Variants in ADAP2 observed in about 807,000 individuals in gnomAD.
ADAP2 encodes the protein arf-GAP with dual PH domain-containing protein 2.
ADAP2 carries 42 observed loss-of-function variants against 54.9 expected under a neutral mutation model. The observed-to-expected ratio is 0.77, with a 90% CI of 0.60 to 0.99. ADAP2 has a LOEUF of 0.99. Among genes scored for constraint, ADAP2 ranks in the 50% least tolerant of loss-of-function variants. The pLI, the probability that ADAP2 is intolerant of heterozygous loss-of-function variation, is 0.00. For synonymous variants in ADAP2, 177 were observed against 180.1 expected (o/e 0.98, Z 0.14); for missense variants, 429 against 480.4 (o/e 0.89, Z 1.00).
intron 7 of ADAP2, among the ~76,000 whole-genome samples, chr17:30,951,661 T>C (rs1904649010): frequency 6.9e-6 from 1 of 144,608 alleles, no homozygotes; most frequent in Admixed American, 6.9e-5. Flanking sequence ...TTTCTTTTTT[T>C]TTTTTTTTTT....
chr17:30,923,598 G>T (rs895002126), intron 2 of ADAP2, among the ~76,000 whole-genome samples: 10 of 151,076 alleles, frequency 6.6e-5, no homozygotes, highest in Admixed American at 6.6e-4. Flanking sequence ...AAGCTGGGAG[G>T]CCCTGAGCTA....
intron 5 of ADAP2, 41 bp downstream of exon 5, chr17:30,934,338 A>G: frequency 7.3e-7 from 1 of 1,367,842 alleles, no homozygotes. Flanking sequence ...CTTCCTGAGC[A>G]CTCTCACCCG....
rs1244670245 is a variant in ADAP2, at chr17:30,926,832, G to A, written c.231G>A (p.Met77Ile). 3 of 1,614,062 alleles carry A rather than the reference G, an allele frequency of 1.9e-6. No homozygotes were observed. The highest frequency in any genetic ancestry group is 2.2e-5 in the South Asian group (2 of 91,078). The change falls in exon 3 of 11, where the codon ATG becomes ATA. Residue 77 changes from methionine (M) to isoleucine (I), a missense_variant. Transcript: ENST00000330889. ...AGGTTGCTGTTGTCTTGCAGTTTATGATCCACAATGGAAACCTCCGTGTGA... is the reference window on the plus strand; with the variant it reads ...AGGTTGCTGTTGTCTTGCAGTTTATAATCCACAATGGAAACCTCCGTGTGA... ...DFWDDSIVEF[M>I]IHNGNLRVKA...
chr17:30,952,240 C>T (rs1904713919), intron 7 of ADAP2, among the ~76,000 whole-genome samples: 1 of 152,206 alleles, frequency 6.6e-6, no homozygotes, highest in African/African-American at 2.4e-5. Flanking sequence ...ACAGGGGAGA[C>T]ATAAGGCCTC....
intron 3 of ADAP2, among the ~76,000 whole-genome samples, 164 bp from the exon 4 acceptor site, chr17:30,931,725 A>C (rs1911497212): frequency 6.7e-6 from 1 of 148,500 alleles, no homozygotes. Flanking sequence ...AGAGGCTGAG[A>C]TGGGAGGATC....
chr17:30,923,413 T>C (rs112705501), intron 2 of ADAP2, among the ~76,000 whole-genome samples: 5,541 of 151,102 alleles, frequency 0.037, 377 homozygotes, highest in African/African-American at 0.13. Flanking sequence ...TACAGGCGCC[T>C]GCCACCACAC....
intron 7 of ADAP2, 61 bp from the exon 8 acceptor site, chr17:30,953,227 C>T (rs902810409): frequency 6.7e-5 from 105 of 1,557,308 alleles, no homozygotes; most frequent in Middle Eastern, 3.5e-4. Flanking sequence ...GAGCCAAGCT[C>T]GGCGGGAACC....
chr17:30,948,438 T>C (rs1031760907), intron 6 of ADAP2, among the ~76,000 whole-genome samples: 5 of 148,374 alleles, frequency 3.4e-5, no homozygotes, highest in Admixed American at 1.4e-4. Context: ...CGTGTGGTGG[T>C]GGGCGCCTGT....
At chr17:30,928,262 G>A (rs1371745417) in intron 3 of ADAP2, among the ~76,000 whole-genome samples, 2 of 150,364 alleles carry the variant, frequency 1.3e-5, no homozygotes, top group Non-Finnish European at 3.0e-5. Context: ...TTGGGAGGCC[G>A]AGGCGGGCGG....
intron 5 of ADAP2, among the ~76,000 whole-genome samples, chr17:30,936,725 G>A (rs1024883091): frequency 6.6e-6 from 1 of 152,072 alleles, no homozygotes; most frequent in Non-Finnish European, 1.5e-5. Context: ...GACCATCTTG[G>A]CTAACACAGA....
chr17:30,949,109 C>G (rs1394564941), intron 6 of ADAP2, among the ~76,000 whole-genome samples, 178 bp from the exon 7 acceptor site: 4 of 152,182 alleles, frequency 2.6e-5, no homozygotes, highest in African/African-American at 4.8e-5. Context: ...CCGGGTTAGC[C>G]CACGAGGCTC....
intron 3 of ADAP2, 102 bp downstream of exon 3, chr17:30,927,020 T>G (rs1009218256): frequency 2.3e-6 from 2 of 877,722 alleles, no homozygotes; most frequent in Non-Finnish European, 3.7e-6. Context: ...GTCTCTTCTA[T>G]GGGCCTGGTG....
chr17:30,928,341 A>T (rs1055425527), intron 3 of ADAP2, among the ~76,000 whole-genome samples: 8 of 151,638 alleles, frequency 5.3e-5, no homozygotes, highest in African/African-American at 1.7e-4. Context: ...ACTAAAAATT[A>T]AAAAATTAGC....
intron 5 of ADAP2, among the ~76,000 whole-genome samples, chr17:30,940,231 A>C (rs1239714983): frequency 6.6e-6 from 1 of 151,966 alleles, no homozygotes; most frequent in Non-Finnish European, 1.5e-5. Context: ...CCAAAGTGCT[A>C]GGATAACAGA....
At position 30,958,215 on chromosome 17, in the gene ADAP2, TA is replaced by T. The variant is rs113136221; in HGVS notation, c.*361del. On this transcript the variant is annotated 3_prime_UTR_variant, in exon 11 of 11. Coordinates refer to ENST00000330889, the MANE Select transcript of ADAP2 (RefSeq NM_018404.3). Reference sequence around the variant, plus strand: ...ACAGCATCATGCAAGTGGCATCTTGTAAAAAAAAAAAAAAAGTTTAATCTGA... The same window carrying T: ...ACAGCATCATGCAAGTGGCATCTTGTAAAAAAAAAAAAAAGTTTAATCTGA... The T allele has an allele frequency of 0.082, 15,495 of 187,934 alleles. 10 individuals are homozygous for T. The highest frequency in any genetic ancestry group is 0.16 in the South Asian group (1,407 of 8,866). The allele number at this position is 187,934 out of a possible 1,614,324, so 11.6% of individuals were successfully genotyped here.
At position 30,935,362 on chromosome 17, in the gene ADAP2, C is replaced by T. The variant is rs145513767; in HGVS notation, c.510+1065C>T. 4.1e-3 allele frequency among the ~76,000 whole-genome samples: 624 copies of T among 152,224 alleles called. 21 individuals are homozygous for T. The highest frequency in any genetic ancestry group is 0.038 in the Admixed American group (573 of 15,272). On this transcript the variant is annotated intron_variant, in intron 5 of 10. Transcript: ENST00000330889. ...CAGCCTGGGCAACAAGAGTGAAACTCCGTCTCAAGAAAAAAAGAAGTAAAA... is the reference window on the plus strand; with the variant it reads ...CAGCCTGGGCAACAAGAGTGAAACTTCGTCTCAAGAAAAAAAGAAGTAAAA...
intron 10 of ADAP2, among the ~76,000 whole-genome samples, chr17:30,957,303 T>C (rs1282400165): frequency 6.6e-6 from 1 of 152,158 alleles, no homozygotes; most frequent in Non-Finnish European, 1.5e-5. Flanking sequence ...AATCTCTTGG[T>C]TTCTCTCTGT....
chr17:30,949,230 C>A, intron 6 of ADAP2, 57 bp from the exon 7 acceptor site: 1 of 1,481,852 alleles, frequency 6.7e-7, no homozygotes. Context: ...CCAGAGGTAG[C>A]TTCCCACCCA....
intron 2 of ADAP2, among the ~76,000 whole-genome samples, chr17:30,925,466 C>T (rs775252416): frequency 3.3e-5 from 5 of 152,090 alleles, no homozygotes; most frequent in African/African-American, 4.8e-5. Context: ...GCTGGGATTA[C>T]AGGTGTGAGC....
Sources: gnomAD v4.1 joint callset for allele counts (sites outside exome capture counted in the v4.1 genomes callset) on GRCh38, gnomAD v4.1.1 for gene constraint, MANE v1.5 for transcripts, NCBI Gene and HGNC (gene_info 2026-07-23, HGNC 2026-07-21) for gene names.